UBXN7: variants seen among roughly 807,000 people sequenced by gnomAD.
The protein encoded by UBXN7 is UBX domain-containing protein 7.
A neutral mutation model predicts 58.0 loss-of-function variants in UBXN7; 9 were observed. The observed-to-expected ratio is 0.16, with a 90% CI of 0.09 to 0.27. The LOEUF is 0.27. UBXN7 is among the 10% of genes least tolerant of loss of function. The probability of loss-of-function intolerance (pLI) is 1.00; values close to 1 mark genes in which losing one functional copy is unlikely to be tolerated. For missense variants in UBXN7, 328 were observed against 599.6 expected (o/e 0.55, Z 4.73); for synonymous variants, 208 against 205.0 (o/e 1.01, Z -0.12).
intron 1 of UBXN7, among the ~76,000 whole-genome samples, chr3:196,430,686 GC>G (rs1433275806): frequency 2.6e-5 from 4 of 152,086 alleles, no homozygotes; most frequent in African/African-American, 7.2e-5. Context: ...ACCGCGCCAG[GC>G]CCAAGTGGCA....
At chr3:196,427,985 A>G (rs534095865) in intron 1 of UBXN7, among the ~76,000 whole-genome samples, 197 of 152,286 alleles carry the variant, frequency 1.3e-3, no homozygotes, top group Non-Finnish European at 1.2e-3. Context: ...TCAGACGGGC[A>G]TGGTGGCTTG....
At chr3:196,432,023 G>A (rs1384667487) in intron 1 of UBXN7, 1 of 536,070 alleles carries the variant, frequency 1.9e-6, no homozygotes, top group Non-Finnish European at 3.4e-6. Context: ...TCCCGCCCCC[G>A]GGTCCCCGGG....
At chr3:196,414,156 T>C (rs1577473456) in intron 1 of UBXN7, among the ~76,000 whole-genome samples, 1 of 152,236 alleles carries the variant, frequency 6.6e-6, no homozygotes, top group South Asian at 2.1e-4. Context: ...GGCTAATTTT[T>C]GTATGTTTAG....
intron 6 of UBXN7, 57 bp downstream of exon 6, chr3:196,371,839 C>A: frequency 6.4e-7 from 1 of 1,571,854 alleles, no homozygotes; most frequent in South Asian, 1.2e-5. Context: ...TTTCCCTCAA[C>A]AACCCACACT....
At chr3:196,393,522 G>A (rs1253961067) in intron 4 of UBXN7, 32 bp downstream of exon 4, 1 of 1,586,534 alleles carries the variant, frequency 6.3e-7, no homozygotes, top group Non-Finnish European at 8.6e-7. Flanking sequence ...GAAGAGAAGA[G>A]GGAGATGATA....
chr3:196,398,248 TA>T lies in UBXN7; in HGVS notation c.290-4630del, dbSNP rs1432951206. Among the ~76,000 whole-genome samples, 410 of 152,322 alleles carry T rather than the reference TA, an allele frequency of 2.7e-3. 2 individuals carry two copies. Among genetic ancestry groups the T allele is most frequent in the Non-Finnish European group, 4.4e-3 (297 of 68,024 alleles). The stretch of plus-strand genomic sequence containing the variant: ...AGCTGACATGTTGACCACACCTTTG[TA>T]GGAGACCCTAACCAAAGGCCACACC... On this transcript the variant is annotated intron_variant, in intron 3 of 10. Coordinates refer to ENST00000296328, the MANE Select transcript of UBXN7 (RefSeq NM_015562.2).
chr3:196,368,342 CTTA>C (rs1728726266), intron 7 of UBXN7, among the ~76,000 whole-genome samples, 187 bp from the exon 8 acceptor site: 1 of 152,106 alleles, frequency 6.6e-6, no homozygotes, highest in Non-Finnish European at 1.5e-5. Context: ...TCTGAACATT[CTTA>C]TTAAGTATCT....
chr3:196,420,953 AT>A (rs540735055), intron 1 of UBXN7, among the ~76,000 whole-genome samples: 276 of 152,328 alleles, frequency 1.8e-3, no homozygotes, highest in African/African-American at 6.3e-3. Context: ...TATAGAAATG[AT>A]AGGGACAAGA....
chr3:196,411,315 C>T (rs1730318183), intron 1 of UBXN7, among the ~76,000 whole-genome samples: 1 of 152,206 alleles, frequency 6.6e-6, no homozygotes, highest in Non-Finnish European at 1.5e-5. Flanking sequence ...TAGCTACATA[C>T]TAGAGAGAGG....
At position 196,415,153 on chromosome 3, in the gene UBXN7, CTTT is replaced by C. The variant is rs869101939; in HGVS notation, c.74-7763_74-7761del. Among the ~76,000 whole-genome samples the C allele has an allele frequency of 7.7e-5, 10 of 130,382 alleles. No individual in the cohort carries two copies. In the East Asian group the frequency reaches 8.7e-4, roughly 11 times the overall value. The allele number at this position is 130,382 out of a possible 152,430, so 85.5% of individuals were successfully genotyped here. A position where few individuals can be genotyped will look rare whatever the true frequency, so the allele number is the denominator to read the frequency against. On this transcript the variant is annotated intron_variant, in intron 1 of 10. Transcript: ENST00000296328. Reference sequence around the variant, plus strand: ...TACATTGTGTTGTATTATCATACTTCTTTTTTTTTTTTTTTTTTGAGACAGAGT... The same window carrying C: ...TACATTGTGTTGTATTATCATACTTCTTTTTTTTTTTTTTTGAGACAGAGT...
chr3:196,432,146 G>A (rs897456155), intron 1 of UBXN7, 181 bp downstream of exon 1: 11 of 792,942 alleles, frequency 1.4e-5, no homozygotes, highest in Non-Finnish European at 2.1e-5. Context: ...GAGCGGGGGG[G>A]GGCTGTCTCC....
Position 196,354,090 on chromosome 3 carries a change from A to G in UBXN7, c.*2595T>C, listed in dbSNP as rs1261642934. ...CTCCTTATGGATTCTTCCCATGTAC[A>G]ATCCGTAACTCTTCCCATGGGCCTT... On this transcript the variant is annotated 3_prime_UTR_variant, in exon 11 of 11. Transcript: ENST00000296328. 6.6e-6 allele frequency: 1 copy of G among 152,138 alleles called. No homozygotes were observed. Among genetic ancestry groups the G allele is most frequent in the Non-Finnish European group, 1.5e-5 (1 of 68,032 alleles). 9.4% of individuals were successfully genotyped at this position (152,138 alleles called of 1,614,324 possible).
At position 196,398,983 on chromosome 3, in the gene UBXN7, C is replaced by CTT. The variant is rs146598758; in HGVS notation, c.289+3968_289+3969insAA. ...TTTAAAATCACTGATAACAAACACT[C>CTT]TCAGTTGTATTGAAGTAACAAGCTC... On this transcript the variant is annotated intron_variant, in intron 3 of 10. Transcript: ENST00000296328. Among the ~76,000 whole-genome samples the CTT allele has an allele frequency of 4.2e-3, 641 of 152,258 alleles. 5 individuals are homozygous for CTT. Among genetic ancestry groups the CTT allele is most frequent in the African/African-American group, 0.014 (597 of 41,548 alleles).
chr3:196,363,310 C>A (rs537683699), intron 8 of UBXN7, among the ~76,000 whole-genome samples: 1 of 151,386 alleles, frequency 6.6e-6, no homozygotes, highest in African/African-American at 2.4e-5. Context: ...GTCTAAGTTC[C>A]CCAGGCTGGT....
chr3:196,388,211 C>T (rs942952608), intron 5 of UBXN7, among the ~76,000 whole-genome samples: 1 of 150,126 alleles, frequency 6.7e-6, no homozygotes, highest in African/African-American at 2.5e-5. Context: ...CCAAACACCA[C>T]ATGATCTCAC....
chr3:196,405,523 TAAACA>T (rs1730135770), intron 2 of UBXN7, among the ~76,000 whole-genome samples: 1 of 151,798 alleles, frequency 6.6e-6, no homozygotes, highest in Non-Finnish European at 1.5e-5. Flanking sequence ...AACTTTTACC[TAAACA>T]AAACTTTCCA....
At chr3:196,391,291 C>T (rs1729574407) in intron 5 of UBXN7, among the ~76,000 whole-genome samples, 1 of 152,160 alleles carries the variant, frequency 6.6e-6, no homozygotes, top group African/African-American at 2.4e-5. Flanking sequence ...TCATCAATCT[C>T]ATATACTGCT....
rs1459739912 is a variant in UBXN7, at chr3:196,391,928, A to G, written c.356-3T>C. The G allele has an allele frequency of 5.7e-6, 9 of 1,565,740 alleles. No individual in the cohort carries two copies. The highest frequency in any genetic ancestry group is 7.0e-6 in the Non-Finnish European group (8 of 1,150,188). ...TCTTAATTCTTGTTCTTGCCGAACT[A>G]TAATACAGAAGGATGAAAGTTTCAG... On this transcript the variant is annotated splice_polypyrimidine_tract_variant and splice_region_variant and intron_variant, in intron 4 of 10. Coordinates refer to ENST00000296328, the MANE Select transcript of UBXN7 (RefSeq NM_015562.2).
chr3:196,406,510 G>T (rs1730166912), intron 2 of UBXN7, among the ~76,000 whole-genome samples: 2 of 152,016 alleles, frequency 1.3e-5, no homozygotes, highest in Non-Finnish European at 2.9e-5. Flanking sequence ...CACGATCTCT[G>T]GTCACTGCAA....
Sources: allele counts gnomAD v4.1 joint callset (sites outside exome capture counted in the v4.1 genomes callset), GRCh38; gene constraint gnomAD v4.1.1; transcripts MANE v1.5; gene names NCBI Gene and HGNC (gene_info 2026-07-23, HGNC 2026-07-21).